Variants in SORCS1 observed in about 807,000 individuals in gnomAD.
SORCS1 encodes sortilin related VPS10 domain containing receptor 1.
Under a neutral mutation model 146.1 loss-of-function variants are expected in SORCS1, and 60 were observed. The ratio of observed to expected loss-of-function variants is 0.41; its 90% CI spans 0.33 to 0.51. SORCS1 has a LOEUF of 0.51. Among genes scored for constraint, SORCS1 ranks in the 20% least tolerant of loss-of-function variants. The pLI, the probability that SORCS1 is intolerant of heterozygous loss-of-function variation, is 0.21. For missense variants in SORCS1, 1,352 were observed against 1,487.6 expected (o/e 0.91, Z 1.50); for synonymous variants, 637 against 584.0 (o/e 1.09, Z -1.31).
intron 1 of SORCS1, among the ~76,000 whole-genome samples, chr10:107,021,382 C>T (rs1358120829): frequency 3.3e-5 from 5 of 151,238 alleles, no homozygotes; most frequent in Admixed American, 2.6e-4. Context: ...GGCATGGTGG[C>T]GGGTGCCTGT....
intron 24 of SORCS1, among the ~76,000 whole-genome samples, chr10:106,596,683 T>G (rs1344332852): frequency 1.3e-5 from 2 of 152,164 alleles, no homozygotes; most frequent in Non-Finnish European, 2.9e-5. Flanking sequence ...TACATTATCC[T>G]GAAACGTAAA....
intron 1 of SORCS1, among the ~76,000 whole-genome samples, chr10:107,135,913 C>T (rs1206391085): frequency 6.6e-6 from 1 of 152,102 alleles, no homozygotes; most frequent in Non-Finnish European, 1.5e-5. Flanking sequence ...AGAGAAGCTA[C>T]TAAAAGCAAA....
intron 8 of SORCS1, among the ~76,000 whole-genome samples, chr10:106,699,996 C>T (rs761012656): frequency 6.6e-6 from 1 of 152,196 alleles, no homozygotes; most frequent in African/African-American, 2.4e-5. Context: ...GTCTCCTCTA[C>T]CCTCAGCCCT....
At chr10:107,045,427 A>G (rs982070883) in intron 1 of SORCS1, among the ~76,000 whole-genome samples, 9 of 152,160 alleles carry the variant, frequency 5.9e-5, no homozygotes, top group Non-Finnish European at 1.3e-4. Context: ...ACCTTTCCCA[A>G]TGTTCCTACT....
intron 10 of SORCS1, among the ~76,000 whole-genome samples, chr10:106,687,589 C>T (rs983648285): frequency 6.6e-6 from 1 of 152,156 alleles, no homozygotes; most frequent in African/African-American, 2.4e-5. Context: ...CAATAAAACC[C>T]TATTTAGAAA....
intron 2 of SORCS1, among the ~76,000 whole-genome samples, chr10:106,933,876 C>T (rs2138628224): frequency 6.6e-6 from 1 of 152,204 alleles, no homozygotes; most frequent in South Asian, 2.1e-4. Flanking sequence ...GATGGATCAC[C>T]TGAGGTCAGG....
At chr10:106,744,135 C>T (rs987283261) in intron 5 of SORCS1, among the ~76,000 whole-genome samples, 1 of 152,048 alleles carries the variant, frequency 6.6e-6, no homozygotes, top group Non-Finnish European at 1.5e-5. Context: ...CATAGAGTCT[C>T]GCTCTGTCAC....
chr10:106,830,359 G>A (rs1948486042), intron 2 of SORCS1, among the ~76,000 whole-genome samples: 1 of 151,998 alleles, frequency 6.6e-6, no homozygotes, highest in Non-Finnish European at 1.5e-5. Context: ...TCTCTATGAA[G>A]GTCTACTCTA....
chr10:106,996,205 C>T (rs988574843), intron 1 of SORCS1, among the ~76,000 whole-genome samples: 9 of 135,536 alleles, frequency 6.6e-5, no homozygotes, highest in African/African-American at 1.7e-4. Flanking sequence ...CCAGCCTGGG[C>T]GACAGAGCGA....
intron 1 of SORCS1, among the ~76,000 whole-genome samples, chr10:106,998,264 G>T (rs1957079928): frequency 6.6e-6 from 1 of 152,236 alleles, no homozygotes; most frequent in South Asian, 2.1e-4. Flanking sequence ...CTCGGCTTCT[G>T]AAAGCTCATG....
At chr10:107,118,435 C>T (rs1022851526) in intron 1 of SORCS1, among the ~76,000 whole-genome samples, 4 of 152,170 alleles carry the variant, frequency 2.6e-5, no homozygotes, top group African/African-American at 9.7e-5. Flanking sequence ...GGAAACAATC[C>T]ATCAGTTGAA....
At chr10:107,147,716 G>A (rs1296903088) in intron 1 of SORCS1, among the ~76,000 whole-genome samples, 1 of 152,082 alleles carries the variant, frequency 6.6e-6, no homozygotes, top group Non-Finnish European at 1.5e-5. Context: ...ATTCTATATT[G>A]CTTTAGTGTC....
intron 2 of SORCS1, among the ~76,000 whole-genome samples, chr10:106,954,106 A>G (rs1589781738): frequency 6.6e-6 from 1 of 152,308 alleles, no homozygotes; most frequent in South Asian, 2.1e-4. Context: ...ACTGAACCTG[A>G]GCTTCCACAG....
At chr10:106,965,184 C>T (rs1955442043) in intron 1 of SORCS1, among the ~76,000 whole-genome samples, 1 of 151,994 alleles carries the variant, frequency 6.6e-6, no homozygotes, top group African/African-American at 2.4e-5. Flanking sequence ...TTTTCATCAC[C>T]TGAAGATGTG....
At chr10:106,641,013 T>A (rs755886829) in intron 18 of SORCS1, among the ~76,000 whole-genome samples, 7 of 152,196 alleles carry the variant, frequency 4.6e-5, no homozygotes, top group Non-Finnish European at 7.3e-5. Flanking sequence ...TCTTCTTGCA[T>A]CTGCCACAGT....
intron 3 of SORCS1, among the ~76,000 whole-genome samples, chr10:106,818,615 C>T (rs1047609616): frequency 2.5e-4 from 38 of 152,102 alleles, no homozygotes; most frequent in Admixed American, 7.9e-4. Context: ...CCGCCTGCCT[C>T]GGCGGGATTA....
intron 17 of SORCS1, among the ~76,000 whole-genome samples, chr10:106,653,983 T>C (rs548881635): frequency 6.6e-6 from 1 of 152,332 alleles, no homozygotes; most frequent in East Asian, 1.9e-4. Context: ...TTTCCTGGAC[T>C]CTTTCTCCCT....
chr10:106,980,579 T>C (rs1564883392), intron 1 of SORCS1, among the ~76,000 whole-genome samples: 1 of 152,208 alleles, frequency 6.6e-6, no homozygotes, highest in Admixed American at 6.5e-5. Context: ...AGCAAACTTC[T>C]CATACCTTCA....
chr10:106,887,528 G>A lies in SORCS1; in HGVS notation c.627-57855C>T, dbSNP rs140863062. On this transcript the variant is annotated intron_variant, in intron 2 of 25. Transcript: ENST00000263054. The stretch of plus-strand genomic sequence containing the variant: ...GGAGGCAGAGGTTGCAGTGAGCGGA[G>A]ATCACGCCACTCTACTCCAGCCTAC... Among the ~76,000 whole-genome samples the A allele has an allele frequency of 4.0e-3, 615 of 152,016 alleles. 7 individuals are homozygous for A. The highest frequency in any genetic ancestry group is 0.015 in the African/African-American group (605 of 41,448).
Sources: allele counts gnomAD v4.1 joint callset (sites outside exome capture counted in the v4.1 genomes callset), GRCh38; gene constraint gnomAD v4.1.1; transcripts MANE v1.5; gene names NCBI Gene and HGNC (gene_info 2026-07-23, HGNC 2026-07-21).